ZCWPW2: variants seen among roughly 807,000 people sequenced by gnomAD.
The protein encoded by ZCWPW2 is zinc finger CW-type PWWP domain protein 2.
Under a neutral mutation model 46.6 loss-of-function variants are expected in ZCWPW2, and 45 were observed. The ratio of observed to expected loss-of-function variants is 0.96; its 90% confidence interval spans 0.76 to 1.24. The LOEUF is 1.24. Among genes scored for constraint, ZCWPW2 ranks in the 50% most tolerant of loss-of-function variants. ZCWPW2 has a pLI of 0.00. For missense variants in ZCWPW2, 429 were observed against 403.9 expected (o/e 1.06, Z -0.53); for synonymous variants, 152 against 137.1 (o/e 1.11, Z -0.76).
chr3:28,389,395 A>G (rs1180806840), intron 1 of ZCWPW2, among the ~76,000 whole-genome samples: 1 of 152,082 alleles, frequency 6.6e-6, no homozygotes, highest in Non-Finnish European at 1.5e-5. Flanking sequence ...CATTATACTC[A>G]TTAGTTTGAC....
At chr3:28,400,409 C>T (rs1471435072) in intron 2 of ZCWPW2, among the ~76,000 whole-genome samples, 2 of 152,058 alleles carry the variant, frequency 1.3e-5, no homozygotes, top group Non-Finnish European at 2.9e-5. Flanking sequence ...TGCTAGAGAC[C>T]TAGACATTCA....
chr3:28,484,249 A>G (rs6805617), intron 5 of ZCWPW2, among the ~76,000 whole-genome samples: 61,725 of 151,560 alleles, frequency 0.41, 12,945 homozygotes, highest in East Asian at 0.65. Context: ...TGATGTGATT[A>G]ATTGATTACA....
chr3:28,356,443 T>C (rs746131632), intron 1 of ZCWPW2, among the ~76,000 whole-genome samples: 1 of 152,144 alleles, frequency 6.6e-6, no homozygotes, highest in Non-Finnish European at 1.5e-5. Context: ...GAAGACAGTG[T>C]GGCAATTCCT....
intron 3 of ZCWPW2, among the ~76,000 whole-genome samples, chr3:28,417,508 C>T (rs1575111377): frequency 6.6e-6 from 1 of 152,082 alleles, no homozygotes; most frequent in Admixed American, 6.6e-5. Flanking sequence ...TTCCCTAACT[C>T]ATTTTATGAG....
chr3:28,442,582 G>C (rs956299320), intron 4 of ZCWPW2, among the ~76,000 whole-genome samples: 1 of 152,210 alleles, frequency 6.6e-6, no homozygotes, highest in Non-Finnish European at 1.5e-5. Context: ...GGCCTTGCCA[G>C]CTGAAGGCAA....
At chr3:28,447,496 A>G (rs1487593680) in intron 4 of ZCWPW2, among the ~76,000 whole-genome samples, 1 of 152,100 alleles carries the variant, frequency 6.6e-6, no homozygotes, top group Admixed American at 6.6e-5. Context: ...TAGGAATGGA[A>G]GGCTACTATC....
At chr3:28,385,279 A>G (rs756931523) in intron 1 of ZCWPW2, among the ~76,000 whole-genome samples, 7 of 152,164 alleles carry the variant, frequency 4.6e-5, no homozygotes, top group Non-Finnish European at 7.3e-5. Flanking sequence ...ACACCATCCC[A>G]CTCTGAAGCA....
chr3:28,396,671 A>G (rs934407050), intron 2 of ZCWPW2, among the ~76,000 whole-genome samples: 1 of 152,240 alleles, frequency 6.6e-6, no homozygotes, highest in African/African-American at 2.4e-5. Context: ...AAAAATGGAT[A>G]TATATCTTCC....
intron 5 of ZCWPW2, among the ~76,000 whole-genome samples, chr3:28,480,864 C>CTTTTTTTTT (rs56891846): frequency 1.6e-5 from 2 of 122,008 alleles, no homozygotes; most frequent in Non-Finnish European, 3.3e-5. Context: ...CATTTTTTTT[C>CTTTTTTTTT]TTTTTTTTTT....
chr3:28,435,833 CTT>C (rs980576728), intron 4 of ZCWPW2, among the ~76,000 whole-genome samples: 16 of 152,172 alleles, frequency 1.1e-4, no homozygotes, highest in African/African-American at 3.4e-4. Flanking sequence ...CAACTGAAGA[CTT>C]TATGTGATTG....
At chr3:28,369,191 G>A (rs144576364) in intron 1 of ZCWPW2, among the ~76,000 whole-genome samples, 218 of 152,266 alleles carry the variant, frequency 1.4e-3, no homozygotes, top group African/African-American at 4.9e-3. Flanking sequence ...GCGTTGTTCC[G>A]TTGCTGGTGA....
At chr3:28,499,556 G>A (rs1046045525) in intron 6 of ZCWPW2, among the ~76,000 whole-genome samples, 11 of 152,044 alleles carry the variant, frequency 7.2e-5, no homozygotes, top group Admixed American at 3.9e-4. Context: ...TTAGCCCTTT[G>A]TCAGATGGAT....
chr3:28,373,775 C>T (rs906209349), intron 1 of ZCWPW2, among the ~76,000 whole-genome samples: 32 of 152,136 alleles, frequency 2.1e-4, no homozygotes, highest in Non-Finnish European at 2.8e-4. Context: ...GCACCTGGCT[C>T]CATTTGTATG....
chr3:28,358,768 C>T (rs982821183), intron 1 of ZCWPW2, among the ~76,000 whole-genome samples: 7 of 152,042 alleles, frequency 4.6e-5, no homozygotes, highest in Non-Finnish European at 5.9e-5. Context: ...CTGAAATCTT[C>T]GTAGTAGATT....
chr3:28,371,999 C>T (rs972893997), intron 1 of ZCWPW2, among the ~76,000 whole-genome samples: 1 of 151,172 alleles, frequency 6.6e-6, no homozygotes, highest in African/African-American at 2.4e-5. Flanking sequence ...CCTGCTCCTC[C>T]TCTTTCTCCT....
At position 28,349,050 on chromosome 3, in the gene ZCWPW2, G is replaced by A; in HGVS notation, c.-287G>A. On this transcript the variant is annotated 5_prime_UTR_variant, in exon 1 of 10. Transcript: ENST00000383768. ...CGCGAGGAAACCGGAAGTCAGGCCC[G>A]AGGGAGCTGGGAGGGCGTTAGCGAA... The A allele has an allele frequency of 1.0e-6, 1 of 986,254 alleles. No homozygotes were observed. The highest frequency in any genetic ancestry group is 1.2e-6 in the Non-Finnish European group (1 of 830,572). 61.1% of individuals were successfully genotyped at this position (986,254 alleles called of 1,614,324 possible).
intron 8 of ZCWPW2, among the ~76,000 whole-genome samples, chr3:28,518,037 G>A (rs994676365): frequency 2.0e-5 from 3 of 150,738 alleles, no homozygotes; most frequent in African/African-American, 7.3e-5. Context: ...TTGGGAGGCT[G>A]AGGCAGGAGA....
intron 1 of ZCWPW2, among the ~76,000 whole-genome samples, chr3:28,361,382 A>G (rs1378588382): frequency 6.6e-6 from 1 of 152,228 alleles, no homozygotes; most frequent in Non-Finnish European, 1.5e-5. Context: ...TTGACTCAAA[A>G]TAGATTAAAT....
chr3:28,513,606 C>T (rs529042757), intron 6 of ZCWPW2, among the ~76,000 whole-genome samples: 2 of 152,206 alleles, frequency 1.3e-5, no homozygotes, highest in African/African-American at 4.8e-5. Flanking sequence ...TTTGCCTAGA[C>T]ATGAAAAGCC....
Sources: gnomAD v4.1 joint callset for allele counts (sites outside exome capture counted in the v4.1 genomes callset) on GRCh38, gnomAD v4.1.1 for gene constraint, MANE v1.5 for transcripts, NCBI Gene and HGNC (gene_info 2026-07-23, HGNC 2026-07-21) for gene names.